TLE3: variants seen among roughly 807,000 people sequenced by gnomAD.
The protein encoded by TLE3 is transducin-like enhancer protein 3.
Under a neutral mutation model 93.0 loss-of-function variants are expected in TLE3, and 14 were observed. The ratio of observed to expected loss-of-function variants is 0.15; its 90% confidence interval spans 0.10 to 0.24. The LOEUF (loss-of-function observed/expected upper bound fraction) is 0.24, where lower values mean the gene tolerates loss of function less well. Ranked by LOEUF, TLE3 falls within the 10% of genes least tolerant of loss-of-function variation. TLE3 has a pLI of 1.00. For missense variants in TLE3, 693 were observed against 1,046.6 expected (o/e 0.66, Z 4.66); for synonymous variants, 451 against 425.0 (o/e 1.06, Z -0.75).
At chr15:70,070,887 A>AT (rs1373776431) in intron 6 of TLE3, among the ~76,000 whole-genome samples, 2 of 152,230 alleles carry the variant, frequency 1.3e-5, no homozygotes, top group Admixed American at 6.5e-5. Flanking sequence ...TATCCTGTGT[A>AT]TTTTGTGACA....
intron 8 of TLE3, among the ~76,000 whole-genome samples, chr15:70,063,855 G>C (rs2056652257): frequency 6.6e-6 from 1 of 152,226 alleles, no homozygotes; most frequent in Non-Finnish European, 1.5e-5. Flanking sequence ...CTTAAATCGA[G>C]TGAAAGCCCA....
chr15:70,066,250 G>A (rs2056811309), intron 6 of TLE3, 32 bp from the exon 7 acceptor site: 2 of 1,469,600 alleles, frequency 1.4e-6, no homozygotes, highest in East Asian at 2.5e-5. Context: ...GTACAGCTGA[G>A]TTGGGGAGGG....
chr15:70,084,525 G>T (rs541708424), intron 4 of TLE3, among the ~76,000 whole-genome samples: 1 of 152,338 alleles, frequency 6.6e-6, no homozygotes, highest in South Asian at 2.1e-4. Context: ...GATGCCTGTA[G>T]TATGGTGGTC....
chr15:70,064,146 G>C (rs980373467), intron 8 of TLE3, among the ~76,000 whole-genome samples: 2 of 152,224 alleles, frequency 1.3e-5, no homozygotes, highest in African/African-American at 4.8e-5. Context: ...AGCCTGGAGA[G>C]AGGAAGGGCT....
chr15:70,071,923 CGAG>C (rs879810829), intron 6 of TLE3, among the ~76,000 whole-genome samples: 3 of 152,176 alleles, frequency 2.0e-5, no homozygotes, highest in Admixed American at 2.0e-4. Flanking sequence ...CTGCTCTCCT[CGAG>C]GAGGAGATAA....
At chr15:70,057,060 CTTA>C (rs960906400) in intron 13 of TLE3, among the ~76,000 whole-genome samples, 1 of 152,190 alleles carries the variant, frequency 6.6e-6, no homozygotes, top group African/African-American at 2.4e-5. Context: ...ACCCCTAACT[CTTA>C]TTATTTATTC....
intron 16 of TLE3, chr15:70,053,670 C>A: frequency 4.2e-6 from 1 of 239,224 alleles, no homozygotes; most frequent in Non-Finnish European, 8.1e-6. Flanking sequence ...CAGGGTGGGC[C>A]TCTGGAGGAG....
chr15:70,096,330 C>T (rs1461510035), intron 1 of TLE3, 69 bp from the exon 2 acceptor site: 2 of 1,531,512 alleles, frequency 1.3e-6, no homozygotes, highest in African/African-American at 2.8e-5. Context: ...CGGCCCCGGC[C>T]CCTCCCCAAC....
At chr15:70,059,844 T>C (rs2056347051) in intron 9 of TLE3, among the ~76,000 whole-genome samples, 1 of 152,226 alleles carries the variant, frequency 6.6e-6, no homozygotes, top group Non-Finnish European at 1.5e-5. Flanking sequence ...TGCTCTCACC[T>C]GGTCATTCCC....
chr15:70,055,589 C>T (rs970470883), intron 14 of TLE3: 4 of 343,930 alleles, frequency 1.2e-5, no homozygotes, highest in Non-Finnish European at 5.3e-6. Flanking sequence ...CATACATTCC[C>T]CCAACATGCC....
chr15:70,062,269 G>A (rs2056533248), intron 8 of TLE3, among the ~76,000 whole-genome samples: 1 of 152,208 alleles, frequency 6.6e-6, no homozygotes, highest in East Asian at 1.9e-4. Flanking sequence ...TGCAATCGCC[G>A]GCAGAAAAAT....
chr15:70,088,276 G>C (rs2058124469), intron 4 of TLE3, among the ~76,000 whole-genome samples: 1 of 152,238 alleles, frequency 6.6e-6, no homozygotes. Context: ...CTGACCCACA[G>C]CTTGCTGCCT....
chr15:70,059,057 T>C (rs1217785482), intron 10 of TLE3, among the ~76,000 whole-genome samples: 1 of 152,198 alleles, frequency 6.6e-6, no homozygotes, highest in African/African-American at 2.4e-5. Context: ...TCAGCATGGC[T>C]GGGTTTGGCC....
chr15:70,096,650 T>G, intron 1 of TLE3, 125 bp downstream of exon 1: 1 of 1,551,264 alleles, frequency 6.4e-7, no homozygotes, highest in Non-Finnish European at 8.7e-7. Flanking sequence ...CCCCTTTGTG[T>G]GAGAGCACAC....
At chr15:70,053,183 G>A (rs1489101717) in intron 17 of TLE3, 44 bp downstream of exon 17, 17 of 1,586,834 alleles carry the variant, frequency 1.1e-5, no homozygotes, top group Non-Finnish European at 1.5e-5. Flanking sequence ...CGGAGGGAGG[G>A]AACACACTGC....
In TLE3 at chr15:70,056,440, C is replaced by G. The variant is rs911539330; in HGVS notation, c.1252-66G>C. ...CCACACACCCCCACCCCTGCCTCCT[C>G]CACCACCCACCCGGGGTCCTACCTG... On this transcript the variant is annotated intron_variant, in intron 13 of 19. Coordinates refer to ENST00000451782, the MANE Select transcript of TLE3 (RefSeq NM_001105192.3). 1.8e-5 allele frequency: 26 copies of G among 1,476,050 alleles called. No homozygotes were observed. In the African/African-American group the frequency reaches 3.6e-4, roughly 20 times the overall value. The allele number at this position is 1,476,050 out of a possible 1,614,324, so 91.4% of individuals were successfully genotyped here.
intron 8 of TLE3, 130 bp downstream of exon 8, chr15:70,064,324 G>C: frequency 9.1e-7 from 1 of 1,100,386 alleles, no homozygotes; most frequent in East Asian, 2.6e-5. Context: ...CCACAGAGCA[G>C]AAGCGGGAAC....
At chr15:70,071,962 C>G (rs568434516) in intron 6 of TLE3, among the ~76,000 whole-genome samples, 22 of 152,252 alleles carry the variant, frequency 1.4e-4, no homozygotes, top group Admixed American at 1.3e-4. Flanking sequence ...GATTAGCGGA[C>G]TCCTTCGCGG....
At chr15:70,072,500 C>A (rs1453703386) in intron 6 of TLE3, among the ~76,000 whole-genome samples, 2 of 152,142 alleles carry the variant, frequency 1.3e-5, no homozygotes, top group East Asian at 1.9e-4. Flanking sequence ...CCCCCTGCTA[C>A]CACTAGCAGA....
Sources: allele counts gnomAD v4.1 joint callset (sites outside exome capture counted in the v4.1 genomes callset), GRCh38; gene constraint gnomAD v4.1.1; transcripts MANE v1.5; gene names NCBI Gene and HGNC (gene_info 2026-07-23, HGNC 2026-07-21).